KCNIP4: variants seen among roughly 807,000 people sequenced by gnomAD.
KCNIP4 encodes the protein potassium voltage-gated channel interacting protein 4, also known as Kv channel-interacting protein 4.
A neutral mutation model predicts 34.0 loss-of-function variants in KCNIP4; 12 were observed. The observed-to-expected ratio is 0.35, with a 90% CI of 0.23 to 0.57. The LOEUF (loss-of-function observed/expected upper bound fraction) is 0.57. Among genes scored for constraint, KCNIP4 ranks in the 20% least tolerant of loss-of-function variants. The probability of loss-of-function intolerance (pLI) is 0.83; values close to 1 mark genes in which losing one functional copy is unlikely to be tolerated. For synonymous variants in KCNIP4, 124 were observed against 102.2 expected (o/e 1.21, Z -1.29); for missense variants, 238 against 311.7 (o/e 0.76, Z 1.78).
At chr4:21,414,754 T>C (rs1481289493) in intron 1 of KCNIP4, among the ~76,000 whole-genome samples, 2 of 152,174 alleles carry the variant, frequency 1.3e-5, no homozygotes, top group Non-Finnish European at 2.9e-5. Flanking sequence ...ATCTTTAAAA[T>C]GGAGATTCTA....
intron 2 of KCNIP4, among the ~76,000 whole-genome samples, chr4:20,857,139 C>T (rs1441413553): frequency 1.3e-5 from 2 of 151,834 alleles, no homozygotes; most frequent in Non-Finnish European, 2.9e-5. Flanking sequence ...CTCCTACCTG[C>T]CAAAGGGCTG....
At chr4:21,875,650 C>T (rs1443252032) in intron 1 of KCNIP4, among the ~76,000 whole-genome samples, 1 of 152,092 alleles carries the variant, frequency 6.6e-6, no homozygotes, top group Non-Finnish European at 1.5e-5. Flanking sequence ...CTGTGTTCAG[C>T]ACTGAGAGAA....
At chr4:20,736,512 T>A (rs1017132615) in intron 5 of KCNIP4, among the ~76,000 whole-genome samples, 9 of 152,194 alleles carry the variant, frequency 5.9e-5, no homozygotes, top group Non-Finnish European at 1.3e-4. Flanking sequence ...TCTTCTGGGT[T>A]TTCATGTGTG....
chr4:21,101,645 G>T (rs1006692404), intron 1 of KCNIP4, among the ~76,000 whole-genome samples: 1 of 152,146 alleles, frequency 6.6e-6, no homozygotes, highest in Non-Finnish European at 1.5e-5. Context: ...TTTTGAAGCT[G>T]ATGAAAATGT....
chr4:21,894,865 C>G (rs1158108179), intron 1 of KCNIP4, among the ~76,000 whole-genome samples: 1 of 152,158 alleles, frequency 6.6e-6, no homozygotes, highest in African/African-American at 2.4e-5. Flanking sequence ...TGTCTTGATA[C>G]CTTAGTACTC....
At chr4:21,167,592 C>T (rs1016607471) in intron 1 of KCNIP4, among the ~76,000 whole-genome samples, 6 of 152,134 alleles carry the variant, frequency 3.9e-5, no homozygotes, top group Non-Finnish European at 4.4e-5. Flanking sequence ...AATGCTTATT[C>T]GCTGATAACA....
At chr4:21,587,866 C>A (rs964557039) in intron 1 of KCNIP4, among the ~76,000 whole-genome samples, 3 of 152,026 alleles carry the variant, frequency 2.0e-5, no homozygotes, top group African/African-American at 7.2e-5. Flanking sequence ...CATATGAATA[C>A]ATATAGCCCT....
At chr4:20,926,466 G>C (rs1729906327) in intron 1 of KCNIP4, among the ~76,000 whole-genome samples, 1 of 152,178 alleles carries the variant, frequency 6.6e-6, no homozygotes, top group Non-Finnish European at 1.5e-5. Flanking sequence ...AGATAGAACA[G>C]AGGTGATTTT....
At chr4:21,554,951 A>G (rs1738878960) in intron 1 of KCNIP4, among the ~76,000 whole-genome samples, 5 of 152,142 alleles carry the variant, frequency 3.3e-5, no homozygotes, top group Admixed American at 3.3e-4. Context: ...CTGGGTTTAT[A>G]TATTCTCCAT....
At chr4:21,015,393 T>C (rs532493647) in intron 1 of KCNIP4, among the ~76,000 whole-genome samples, 2 of 145,542 alleles carry the variant, frequency 1.4e-5, no homozygotes, top group East Asian at 3.9e-4. Context: ...ATAACTAATA[T>C]TGGTTATATA....
intron 1 of KCNIP4, among the ~76,000 whole-genome samples, chr4:21,434,761 T>C (rs1726798185): frequency 7.8e-6 from 1 of 128,824 alleles, no homozygotes; most frequent in African/African-American, 3.0e-5. Context: ...CACAACCCTG[T>C]CTGTGGGGGG....
chr4:21,349,524 A>C (rs1717793481), intron 1 of KCNIP4, among the ~76,000 whole-genome samples: 1 of 152,174 alleles, frequency 6.6e-6, no homozygotes, highest in Non-Finnish European at 1.5e-5. Context: ...CCTTTAATGA[A>C]GCCGTAGAGA....
chr4:21,923,707 T>C (rs1198714007), intron 1 of KCNIP4, among the ~76,000 whole-genome samples: 1 of 152,214 alleles, frequency 6.6e-6, no homozygotes, highest in Non-Finnish European at 1.5e-5. Context: ...TAGCCCACCG[T>C]GGGCTCATCC....
chr4:21,441,406 G>A (rs1485852410), intron 1 of KCNIP4, among the ~76,000 whole-genome samples: 1 of 151,940 alleles, frequency 6.6e-6, no homozygotes, highest in Admixed American at 6.6e-5. Flanking sequence ...GCCTCCCAAA[G>A]TGCTGGGATT....
intron 1 of KCNIP4, among the ~76,000 whole-genome samples, chr4:21,150,242 CA>C (rs755163916): frequency 1.6e-4 from 25 of 152,110 alleles, no homozygotes; most frequent in Admixed American, 2.6e-4. Flanking sequence ...TGTAGAACTC[CA>C]GAAAGTTTGA....
chr4:21,758,233 A>G (rs1717799719), intron 1 of KCNIP4, among the ~76,000 whole-genome samples: 1 of 152,220 alleles, frequency 6.6e-6, no homozygotes, highest in Non-Finnish European at 1.5e-5. Context: ...AATAAAACCA[A>G]CAACCTCTCT....
At chr4:21,236,619 A>G (rs1759374921) in intron 1 of KCNIP4, among the ~76,000 whole-genome samples, 1 of 152,152 alleles carries the variant, frequency 6.6e-6, no homozygotes, top group African/African-American at 2.4e-5. Flanking sequence ...CCAATAAGCT[A>G]TATCTGGTAC....
In KCNIP4 at chr4:20,763,934, T is replaced by A. The variant is rs143712563; in HGVS notation, c.289-5044A>T. Among the ~76,000 whole-genome samples, 16 of 152,302 alleles carry A rather than the reference T, an allele frequency of 1.1e-4. No individual in the cohort carries two copies. The East Asian group carries it at 2.9e-3, about 28-fold the overall frequency. On this transcript the variant is annotated intron_variant, in intron 3 of 8. Coordinates refer to ENST00000382152, the MANE Select transcript of KCNIP4 (RefSeq NM_025221.6). ...TTTCCCAGGTGTCATTTTTAAAGAC[T>A]GTTTACTTGCTTCAAGTAAACAAGT...
At chr4:21,858,073 G>A (rs752208049) in intron 1 of KCNIP4, among the ~76,000 whole-genome samples, 3 of 152,160 alleles carry the variant, frequency 2.0e-5, no homozygotes, top group Admixed American at 1.3e-4. Context: ...GCTTGGCTGC[G>A]CACAGTGGCT....
Sources: gnomAD v4.1 joint callset for allele counts (sites outside exome capture counted in the v4.1 genomes callset) on GRCh38, gnomAD v4.1.1 for gene constraint, MANE v1.5 for transcripts, NCBI Gene and HGNC (gene_info 2026-07-23, HGNC 2026-07-21) for gene names.